The following PCDHB12 variants were observed in gnomAD, a reference collection of about 807,000 sequenced individuals.
PCDHB12 encodes the protein protocadherin beta 12.
For synonymous variants in PCDHB12, 560 were observed against 445.2 expected (o/e 1.26, Z -3.24); for missense variants, 1,192 against 998.2 (o/e 1.19, Z -2.62).
chr5:141,208,946 A>G lies in PCDHB12; in HGVS notation c.39A>G (p.Gln13=). ...GGGCAGGCACTCTGCAGATAAGGCA[A>G]GTCCTGCTTTTCTTTGTTTTGCTGG... is the stretch of plus-strand genomic sequence containing the variant. ...NGGAGTLQIR[Q]VLLFFVLLGM... Residue 13 remains glutamine (Q), a synonymous_variant, in exon 1 of 1, where the codon CAA becomes CAG. Coordinates refer to ENST00000239450, the MANE Select transcript of PCDHB12 (RefSeq NM_018932.4). 1 of 1,547,234 alleles carries G rather than the reference A, an allele frequency of 6.5e-7. No individual in the cohort carries two copies. The highest frequency in any genetic ancestry group is 8.7e-7 in the Non-Finnish European group (1 of 1,151,828).
In PCDHB12 at chr5:141,210,567, G is replaced by A. The variant is rs145232861; in HGVS notation, c.1660G>A (p.Ala554Thr). 5.4e-3 allele frequency: 8,769 copies of A among 1,611,708 alleles called. 74 individuals carry two copies. Among genetic ancestry groups the A allele is most frequent in the Non-Finnish European group, 5.0e-3 (5,845 of 1,179,744 alleles). ...EALVRVLVLD[A>T]NDNSPFVLYP... ...GCTGGTGCGCGTGCTGGTGCTGGAC[G>A]CCAACGACAACTCGCCCTTCGTGCT... The change falls in exon 1 of 1, where the codon GCC becomes ACC. Residue 554 changes from alanine to threonine, a missense_variant. Coordinates refer to ENST00000239450, the MANE Select transcript of PCDHB12 (RefSeq NM_018932.4).
rs150562956 is a variant in PCDHB12, at chr5:141,211,069, C to T, written c.2162C>T (p.Pro721Leu). The T allele has an allele frequency of 1.2e-6, 2 of 1,613,398 alleles. No individual in the cohort carries two copies. The highest frequency in any genetic ancestry group is 2.2e-5 in the East Asian group (1 of 44,870). The stretch of plus-strand genomic sequence containing the variant: ...CTGTGCAGGAGGAGCAGGGCGGCCC[C>T]GGTCGGTCGCTGCTCGGTGCCTGAG... ...VRLCRRSRAA[P>L]VGRCSVPEGP... Residue 721 changes from proline to leucine, a missense_variant, in exon 1 of 1, where the codon CCG (proline) becomes CTG (leucine). By Grantham distance (98) the Pro-to-Leu change is moderately conservative (BLOSUM62 -3). Transcript: ENST00000239450.
chr5:141,210,743 C>T lies in PCDHB12; in HGVS notation c.1836C>T (p.Pro612=). Residue 612 remains proline, a synonymous_variant, in exon 1 of 1, where the codon CCC becomes CCT. Coordinates refer to ENST00000239450, the MANE Select transcript of PCDHB12 (RefSeq NM_018932.4). ...LSYQLLKATE[P]GLFGVWAHNG... ...ACCAGCTGCTCAAGGCCACGGAGCC[C>T]GGGCTATTCGGCGTGTGGGCGCACA... 1 of 1,604,970 alleles carries T rather than the reference C, an allele frequency of 6.2e-7. No homozygotes were observed. Among genetic ancestry groups the T allele is most frequent in the Non-Finnish European group, 8.5e-7 (1 of 1,179,214 alleles).
chr5:141,209,278 G>A lies in PCDHB12; in HGVS notation c.371G>A (p.Arg124Lys). The A allele has an allele frequency of 1.2e-6, 2 of 1,614,180 alleles. No individual in the cohort carries two copies. Among genetic ancestry groups the A allele is most frequent in the Middle Eastern group, 1.6e-4 (1 of 6,062 alleles). ...TTTTTACAAATTGAGCTCCAGGTCA[G>A]GGATATAAATGATCACTCTCCCGTC... ...TQFLQIELQV[R>K]DINDHSPVFL... The change falls in exon 1 of 1, where the codon AGG (arginine) becomes AAG (lysine). Residue 124 changes from arginine (R) to lysine (K), a missense_variant. Coordinates refer to ENST00000239450, the MANE Select transcript of PCDHB12 (RefSeq NM_018932.4).
Position 141,210,279 on chromosome 5 carries a change from C to T in PCDHB12, c.1372C>T (p.Leu458=), listed in dbSNP as rs781884840. The T allele has an allele frequency of 3.7e-6, 6 of 1,613,996 alleles. No homozygotes were observed. Among genetic ancestry groups the T allele is most frequent in the Non-Finnish European group, 4.2e-6 (5 of 1,180,042 alleles). Residue 458 remains leucine, a synonymous_variant, in exon 1 of 1, where the codon CTG becomes TTG. Coordinates refer to ENST00000239450, the MANE Select transcript of PCDHB12 (RefSeq NM_018932.4). ...CGCCTTCACCCAAACTTCCTACGCC[C>T]TGTTCGTCCGCGAGAACAACAGCCC... ...APAFTQTSYA[L]FVRENNSPAL... is the part of the protein sequence containing the mutation.
In PCDHB12 at chr5:141,210,951, C is replaced by T; in HGVS notation, c.2044C>T (p.Gln682Ter). ...PLPEAAPAQA[Q>*]ADSLTVYLVV... ...CCCGGAGGCGGCCCCGGCCCAGGCC[C>T]AGGCCGACTCGCTCACTGTCTACCT... The change falls in exon 1 of 1, where the codon CAG becomes TAG. Residue 682 changes from glutamine (Q) to a stop codon, truncating the protein, a stop_gained. Coordinates refer to ENST00000239450, the MANE Select transcript of PCDHB12 (RefSeq NM_018932.4). LOFTEE classifies it low-confidence loss of function (END_TRUNC). 6.2e-7 allele frequency: 1 copy of T among 1,611,748 alleles called. No individual in the cohort carries two copies. Among genetic ancestry groups the T allele is most frequent in the Non-Finnish European group, 8.5e-7 (1 of 1,179,788 alleles).
In PCDHB12 at chr5:141,210,824, G is replaced by A. The variant is rs1260110449; in HGVS notation, c.1917G>A (p.Arg639=). Residue 639 remains arginine (R), a synonymous_variant, in exon 1 of 1, where the codon AGG becomes AGA. Coordinates refer to ENST00000239450, the MANE Select transcript of PCDHB12 (RefSeq NM_018932.4). ...LLSERDAAKH[R]LVVLVKDNGE... ...GCGAGCGCGACGCGGCCAAGCACAG[G>A]CTGGTGGTGCTGGTCAAGGACAATG... 2.5e-6 allele frequency: 4 copies of A among 1,601,058 alleles called. No homozygotes were observed. The highest frequency in any genetic ancestry group is 2.5e-6 in the Non-Finnish European group (3 of 1,178,762).
At position 141,211,293 on chromosome 5, in the gene PCDHB12, T is replaced by G. The variant is rs545719056; in HGVS notation, c.2386T>G (p.Ter796GlyextTer1). The change falls in exon 1 of 1, where the codon TGA becomes GGA. Residue 796 changes from the stop codon to glycine, a stop_lost. Transcript: ENST00000239450. ...NPPFQNNLGF[*>G] ...CCCATTTCAGAATAATTTGGGTTTC[T>G]GATAAAGAATGAAAAATAAAACCTG... 6.3e-7 allele frequency: 1 copy of G among 1,576,352 alleles called. No homozygotes were observed. Among genetic ancestry groups the G allele is most frequent in the Non-Finnish European group, 8.6e-7 (1 of 1,165,796 alleles).
Position 141,210,965 on chromosome 5 carries a change from C to T in PCDHB12, c.2058C>T (p.Leu686=), listed in dbSNP as rs1754442448. 1.2e-6 allele frequency: 2 copies of T among 1,612,022 alleles called. No individual in the cohort carries two copies. The highest frequency in any genetic ancestry group is 1.7e-6 in the Non-Finnish European group (2 of 1,179,808). The change falls in exon 1 of 1, where the codon CTC becomes CTT. Residue 686 remains leucine (L), a synonymous_variant. Coordinates refer to ENST00000239450, the MANE Select transcript of PCDHB12 (RefSeq NM_018932.4). The part of the protein sequence containing the change: ...AAPAQAQADS[L]TVYLVVALAS... ...CGGCCCAGGCCCAGGCCGACTCGCT[C>T]ACTGTCTACCTGGTGGTGGCGTTGG...
rs573885497 is a variant in PCDHB12, at chr5:141,212,530, T to A, written c.*1235T>A. 3.3e-5 allele frequency: 5 copies of A among 152,196 alleles called. No homozygotes were observed. Among genetic ancestry groups the A allele is most frequent in the Non-Finnish European group, 7.4e-5 (5 of 68,002 alleles). The allele number at this position is 152,196 out of a possible 1,614,324, so 9.4% of individuals were successfully genotyped here. ...GCATAGTTGTGTTCTAAATATATTA[T>A]AAACTAGTGCCAGTAACTCTAATAA... On this transcript the variant is annotated 3_prime_UTR_variant, in exon 1 of 1. Transcript: ENST00000239450.
rs373842919 is a variant in PCDHB12, at chr5:141,209,902, C to G, written c.995C>G (p.Thr332Arg). ...TDGGGLFGKSTVRIQVMDVND... is the reference protein window; with the variant it reads ...TDGGGLFGKSRVRIQVMDVND... ...GGGGGAGGACTTTTTGGAAAATCTACAGTCAGAATTCAGGTGATGGATGTA... is the reference window on the plus strand; with the variant it reads ...GGGGGAGGACTTTTTGGAAAATCTAGAGTCAGAATTCAGGTGATGGATGTA... The change falls in exon 1 of 1, where the codon ACA (threonine) becomes AGA (arginine). Residue 332 changes from threonine (T) to arginine (R), a missense_variant. Coordinates refer to ENST00000239450, the MANE Select transcript of PCDHB12 (RefSeq NM_018932.4). The G allele has an allele frequency of 1.2e-6, 2 of 1,614,178 alleles. No homozygotes were observed. Among genetic ancestry groups the G allele is most frequent in the Non-Finnish European group, 1.7e-6 (2 of 1,180,034 alleles).
rs543195348 is a variant in PCDHB12, at chr5:141,210,962, G to C, written c.2055G>C (p.Ser685=). The change falls in exon 1 of 1, where the codon TCG becomes TCC. Residue 685 remains serine, a synonymous_variant. Coordinates refer to ENST00000239450, the MANE Select transcript of PCDHB12 (RefSeq NM_018932.4). ...EAAPAQAQAD[S]LTVYLVVALA... is the part of the protein sequence containing the mutation. Reference sequence around the variant, plus strand: ...CCCCGGCCCAGGCCCAGGCCGACTCGCTCACTGTCTACCTGGTGGTGGCGT... The same window carrying C: ...CCCCGGCCCAGGCCCAGGCCGACTCCCTCACTGTCTACCTGGTGGTGGCGT... 3.1e-6 allele frequency: 5 copies of C among 1,611,618 alleles called. No homozygotes were observed. Among genetic ancestry groups the C allele is most frequent in the East Asian group, 2.2e-5 (1 of 44,870 alleles).
Position 141,209,528 on chromosome 5 carries a change from G to A in PCDHB12, c.621G>A (p.Glu207=). The change falls in exon 1 of 1, where the codon GAG becomes GAA. Residue 207 remains glutamate, a synonymous_variant. Coordinates refer to ENST00000239450, the MANE Select transcript of PCDHB12 (RefSeq NM_018932.4). The stretch of plus-strand genomic sequence containing the variant: ...CGCTGGATTATGAAGAGCGCCCGGA[G>A]CTCAGTTTCATCCTCACTGCTCTGG... ...DKALDYEERP[E]LSFILTALDG... 6.2e-7 allele frequency: 1 copy of A among 1,614,174 alleles called. No individual in the cohort carries two copies. Among genetic ancestry groups the A allele is most frequent in the South Asian group, 1.1e-5 (1 of 91,074 alleles).
chr5:141,210,101 T>A lies in PCDHB12; in HGVS notation c.1194T>A (p.Asn398Lys), dbSNP rs1754403508. 3.7e-6 allele frequency: 6 copies of A among 1,614,088 alleles called. No individual in the cohort carries two copies. The East Asian group carries it at 1.3e-4, about 36-fold the overall frequency. ...CATTCGTGCTAAAATCTTCGGTAAATAATTACTACACTTTGGAAACAGAGA... is the reference window on the plus strand; with the variant it reads ...CATTCGTGCTAAAATCTTCGGTAAAAAATTACTACACTTTGGAAACAGAGA... ...DIPFVLKSSV[N>K]NYYTLETERP... The change falls in exon 1 of 1, where the codon AAT becomes AAA. Residue 398 changes from asparagine (N) to lysine (K), a missense_variant. Asn to Lys is a moderately conservative substitution (Grantham distance 94, BLOSUM62 0). Coordinates refer to ENST00000239450, the MANE Select transcript of PCDHB12 (RefSeq NM_018932.4).
Position 141,209,730 on chromosome 5 carries a change from A to C in PCDHB12, c.823A>C (p.Ser275Arg). Residue 275 changes from serine (S) to arginine (R), a missense_variant, in exon 1 of 1, where the codon AGT (serine) becomes CGT (arginine). Coordinates refer to ENST00000239450, the MANE Select transcript of PCDHB12 (RefSeq NM_018932.4). ...SAWDLDSGTN[S>R]ELSYTFSHAS... ...CTGGGATTTAGACTCTGGAACAAACAGTGAACTATCCTATACCTTTTCCCA... is the reference window on the plus strand; with the variant it reads ...CTGGGATTTAGACTCTGGAACAAACCGTGAACTATCCTATACCTTTTCCCA... The C allele has an allele frequency of 6.2e-7, 1 of 1,614,266 alleles. No individual in the cohort carries two copies. The highest frequency in any genetic ancestry group is 8.5e-7 in the Non-Finnish European group (1 of 1,180,052).
Position 141,210,280 on chromosome 5 carries a change from T to A in PCDHB12, c.1373T>A (p.Leu458Gln), listed in dbSNP as rs1754411976. The A allele has an allele frequency of 1.2e-6, 2 of 1,613,836 alleles. No individual in the cohort carries two copies. Among genetic ancestry groups the A allele is most frequent in the Admixed American group, 1.7e-5 (1 of 60,008 alleles). Residue 458 changes from leucine to glutamine, a missense_variant, in exon 1 of 1, where the codon CTG becomes CAG. Physicochemically the swap from Leu to Gln is moderately radical, Grantham distance 113. Transcript: ENST00000239450. Reference sequence around the variant, plus strand: ...GCCTTCACCCAAACTTCCTACGCCCTGTTCGTCCGCGAGAACAACAGCCCC... The same window carrying A: ...GCCTTCACCCAAACTTCCTACGCCCAGTTCGTCCGCGAGAACAACAGCCCC... The part of the protein sequence containing the change: ...APAFTQTSYA[L>Q]FVRENNSPAL...
rs782228863 is a variant in PCDHB12, at chr5:141,209,559, G to C, written c.652G>C (p.Gly218Arg). The C allele has an allele frequency of 1.2e-6, 2 of 1,614,156 alleles. No individual in the cohort carries two copies. The highest frequency in any genetic ancestry group is 1.7e-5 in the Admixed American group (1 of 60,022). The change falls in exon 1 of 1, where the codon GGG (glycine) becomes CGG (arginine). Residue 218 changes from glycine to arginine, a missense_variant. Transcript: ENST00000239450. ...LSFILTALDG[G>R]SPPRSGTALV... ...TTTCATCCTCACTGCTCTGGATGGC[G>C]GGTCCCCTCCCAGGTCTGGAACTGC...
chr5:141,209,257 T>A lies in PCDHB12; in HGVS notation c.350T>A (p.Leu117Ter). The change falls in exon 1 of 1, where the codon TTA becomes TAA. Residue 117 changes from leucine to a stop codon, truncating the protein, a stop_gained. Transcript: ENST00000239450. LOFTEE classifies it low-confidence loss of function (END_TRUNC). ...TTAATGAAAAACCCCACGCAGTTTT[T>A]ACAAATTGAGCTCCAGGTCAGGGAT... ...QVLMKNPTQF[L>*]QIELQVRDIN... is the part of the protein sequence containing the mutation. 6.2e-7 allele frequency: 1 copy of A among 1,614,186 alleles called. No homozygotes were observed. Among genetic ancestry groups the A allele is most frequent in the Non-Finnish European group, 8.5e-7 (1 of 1,180,040 alleles).
Position 141,209,222 on chromosome 5 carries a change from T to G in PCDHB12, c.315T>G (p.Tyr105Ter). ...GCTCCAATGAGCCTTGTGTGCTGTA[T>G]TTCCAAGTGTTAATGAAAAACCCCA... ...LCGSNEPCVL[Y>*]FQVLMKNPTQ... Residue 105 changes from tyrosine (Y) to a stop codon, truncating the protein, a stop_gained, in exon 1 of 1, where the codon TAT becomes TAG. Coordinates refer to ENST00000239450, the MANE Select transcript of PCDHB12 (RefSeq NM_018932.4). LOFTEE classifies it low-confidence loss of function (END_TRUNC). 1 of 1,614,188 alleles carries G rather than the reference T, an allele frequency of 6.2e-7. No individual in the cohort carries two copies. The highest frequency in any genetic ancestry group is 2.2e-5 in the East Asian group (1 of 44,878).
Sources: gnomAD v4.1 joint callset for allele counts on GRCh38, gnomAD v4.1.1 for gene constraint, MANE v1.5 for transcripts, NCBI Gene and HGNC (gene_info 2026-07-23, HGNC 2026-07-21) for gene names.